Variants in ANKRD17 observed in about 807,000 individuals in gnomAD.
ANKRD17 encodes the protein ankyrin repeat domain 17.
Under a neutral mutation model 229.7 loss-of-function variants are expected in ANKRD17, and 19 were observed. That is an observed-to-expected ratio of 0.08 (90% CI 0.06 to 0.12). The LOEUF (loss-of-function observed/expected upper bound fraction) is 0.12. Ranked by LOEUF, ANKRD17 falls within the 10% of genes least tolerant of loss-of-function variation. The probability of loss-of-function intolerance (pLI) is 1.00; values close to 1 mark genes in which losing one functional copy is unlikely to be tolerated. For synonymous variants in ANKRD17, 1,112 were observed against 1,146.1 expected (o/e 0.97, Z 0.60); for missense variants, 2,176 against 3,176.8 (o/e 0.68, Z 7.57).
intron 28 of ANKRD17, among the ~76,000 whole-genome samples, chr4:73,092,716 A>G (rs1722906294): frequency 6.6e-6 from 1 of 152,212 alleles, no homozygotes; most frequent in African/African-American, 2.4e-5. Flanking sequence ...AATCAACACT[A>G]AAAATAATAG....
At chr4:73,101,915 A>G (rs1351336715) in intron 25 of ANKRD17, among the ~76,000 whole-genome samples, 2 of 152,068 alleles carry the variant, frequency 1.3e-5, no homozygotes, top group Non-Finnish European at 2.9e-5. Context: ...GTCAACAAAA[A>G]AAAAGCATAT....
At chr4:73,224,959 A>G (rs1742315135) in intron 1 of ANKRD17, among the ~76,000 whole-genome samples, 1 of 152,216 alleles carries the variant, frequency 6.6e-6, no homozygotes, top group Non-Finnish European at 1.5e-5. Flanking sequence ...TCCAGATGCA[A>G]ATCCAGAACT....
intron 3 of ANKRD17, among the ~76,000 whole-genome samples, chr4:73,160,330 C>T (rs1039199188): frequency 6.6e-5 from 10 of 151,618 alleles, no homozygotes; most frequent in South Asian, 2.1e-4. Context: ...GCGATTCTCC[C>T]GCCTCAGCCT....
intron 1 of ANKRD17, among the ~76,000 whole-genome samples, chr4:73,237,832 A>AT (rs1743646643): frequency 6.6e-6 from 1 of 152,162 alleles, no homozygotes; most frequent in Non-Finnish European, 1.5e-5. Context: ...AGTACTACAA[A>AT]TTTTTAAGTT....
chr4:73,216,508 A>T (rs1741069505), intron 1 of ANKRD17, among the ~76,000 whole-genome samples: 1 of 152,202 alleles, frequency 6.6e-6, no homozygotes, highest in Non-Finnish European at 1.5e-5. Flanking sequence ...TAAGGATAGA[A>T]GATGAGGGTT....
At chr4:73,244,716 A>G (rs374648232) in intron 1 of ANKRD17, among the ~76,000 whole-genome samples, 14 of 152,244 alleles carry the variant, frequency 9.2e-5, no homozygotes, top group African/African-American at 2.9e-4. Flanking sequence ...TACCTTAACT[A>G]ATACAGTTAA....
intron 2 of ANKRD17, among the ~76,000 whole-genome samples, chr4:73,168,468 CAATT>C (rs1419465075): frequency 1.3e-5 from 2 of 152,136 alleles, no homozygotes; most frequent in East Asian, 3.9e-4. Flanking sequence ...ATACACTCCT[CAATT>C]AAAACATTGT....
At position 73,077,598 on chromosome 4, in the gene ANKRD17, T is replaced by C. The variant is rs1389222138; in HGVS notation, c.7409-65A>G. On this transcript the variant is annotated intron_variant, in intron 31 of 33. Transcript: ENST00000358602. ...TTTAAAATCAAAATCAAATATTTTG[T>C]TTTTCTAATATTTTCCACATTGAAC... 4 of 1,402,034 alleles carry C rather than the reference T, an allele frequency of 2.9e-6. No homozygotes were observed. In the African/African-American group the frequency reaches 4.5e-5, roughly 16 times the overall value. 86.8% of individuals were successfully genotyped at this position (1,402,034 alleles called of 1,614,324 possible). A position where few individuals can be genotyped will look rare whatever the true frequency, so the allele number is the denominator to read the frequency against.
chr4:73,179,518 A>ATATATATATATTTT (rs1192164276), intron 1 of ANKRD17, among the ~76,000 whole-genome samples: 13 of 40,774 alleles, frequency 3.2e-4, no homozygotes, highest in African/African-American at 3.7e-4. Context: ...ATATATATAT[A>ATATATATATATTTT]TTTTTTTTTT....
chr4:73,077,643 A>C lies in ANKRD17; in HGVS notation c.7409-110T>G, dbSNP rs555549479. Reference sequence around the variant, plus strand: ...TTGAACCGTAAATTATTTCAATATAATGACCTACTTTTATATATTTACAGC... The same window carrying C: ...TTGAACCGTAAATTATTTCAATATACTGACCTACTTTTATATATTTACAGC... On this transcript the variant is annotated intron_variant, in intron 31 of 33. Transcript: ENST00000358602. 894 of 916,046 alleles carry C rather than the reference A, an allele frequency of 9.8e-4. 21 individuals carry two copies. In the South Asian group the frequency reaches 0.018, roughly 19 times the overall value. The allele number at this position is 916,046 out of a possible 1,614,324, so 56.7% of individuals were successfully genotyped here.
intron 22 of ANKRD17, among the ~76,000 whole-genome samples, chr4:73,117,406 G>A (rs1726103457): frequency 6.6e-6 from 1 of 152,184 alleles, no homozygotes; most frequent in African/African-American, 2.4e-5. Flanking sequence ...TTCAGAAACT[G>A]GGGAGACACA....
At chr4:73,213,022 GTT>G (rs1740515394) in intron 1 of ANKRD17, among the ~76,000 whole-genome samples, 1 of 89,600 alleles carries the variant, frequency 1.1e-5, no homozygotes, top group South Asian at 4.5e-4. Flanking sequence ...GCAAGACTCC[GTT>G]TCAGGGGAAA....
rs564897544 is a variant in ANKRD17 at position 73,208,737 on chromosome 4, T to C, written c.394-31204A>G. 1.4e-3 allele frequency among the ~76,000 whole-genome samples: 217 copies of C among 152,220 alleles called. 2 individuals are homozygous for C. The highest frequency in any genetic ancestry group is 4.9e-3 in the African/African-American group (203 of 41,510). On this transcript the variant is annotated intron_variant, in intron 1 of 33. Transcript: ENST00000358602. ...TAAATGCTAATAAAAATAAAAGATA[T>C]CAACATTTGTAGTATACAGCTAATG...
At chr4:73,140,847 G>T (rs1729508079) in intron 14 of ANKRD17, among the ~76,000 whole-genome samples, 1 of 152,178 alleles carries the variant, frequency 6.6e-6, no homozygotes, top group Admixed American at 6.5e-5. Flanking sequence ...ATAGAGGCAA[G>T]ATATAAATTC....
chr4:73,135,063 T>C, intron 16 of ANKRD17, 54 bp downstream of exon 16: 1 of 1,522,838 alleles, frequency 6.6e-7, no homozygotes, highest in South Asian at 1.2e-5. Context: ...TTAATGTTTT[T>C]AATTATGGCA....
At chr4:73,206,153 G>A (rs1382285499) in intron 1 of ANKRD17, among the ~76,000 whole-genome samples, 4 of 152,102 alleles carry the variant, frequency 2.6e-5, no homozygotes, top group Non-Finnish European at 4.4e-5. Flanking sequence ...AATTAATATA[G>A]CCATTATGGA....
intron 1 of ANKRD17, among the ~76,000 whole-genome samples, chr4:73,257,611 T>C (rs1745573670): frequency 6.6e-6 from 1 of 152,188 alleles, no homozygotes; most frequent in Non-Finnish European, 1.5e-5. Context: ...TGTAATTATT[T>C]AAAGTTACTG....
intron 24 of ANKRD17, chr4:73,102,762 A>C (rs1189346939): frequency 2.0e-6 from 1 of 488,238 alleles, no homozygotes; most frequent in Non-Finnish European, 3.5e-6. Context: ...GACTAATTTT[A>C]AAATGGGTAA....
At position 73,076,209 on chromosome 4, in the gene ANKRD17, C is replaced by T; in HGVS notation, c.*22G>A. The T allele has an allele frequency of 6.3e-7, 1 of 1,587,262 alleles. No individual in the cohort carries two copies. The highest frequency in any genetic ancestry group is 8.5e-7 in the Non-Finnish European group (1 of 1,171,212). ...TTTCCTCCAAATGAAAAGGAATCTG[C>T]AGGCTAACAAGCTGATCCTCATCAG... On this transcript the variant is annotated 3_prime_UTR_variant, in exon 34 of 34. Coordinates refer to ENST00000358602, the MANE Select transcript of ANKRD17 (RefSeq NM_032217.5).
Sources: gnomAD v4.1 joint callset for allele counts (sites outside exome capture counted in the v4.1 genomes callset) on GRCh38, gnomAD v4.1.1 for gene constraint, MANE v1.5 for transcripts, NCBI Gene and HGNC (gene_info 2026-07-23, HGNC 2026-07-21) for gene names.